ARL6IP5: variants seen among roughly 807,000 people sequenced by gnomAD.
ARL6IP5 encodes PRA1 family protein 3.
In ARL6IP5, 6 loss-of-function variants were observed where a neutral mutation model predicts 13.0. The observed-to-expected ratio is 0.46, with a 90% CI of 0.25 to 0.91. ARL6IP5 has a LOEUF of 0.91. Ranked by LOEUF, ARL6IP5 falls within the 40% of genes least tolerant of loss-of-function variation. The probability of loss-of-function intolerance (pLI) is 0.17; values close to 1 mark genes in which losing one functional copy is unlikely to be tolerated. For missense variants in ARL6IP5, 208 were observed against 248.8 expected (o/e 0.84, Z 1.10); for synonymous variants, 91 against 91.9 (o/e 0.99, Z 0.06).
intron 1 of ARL6IP5, among the ~76,000 whole-genome samples, chr3:69,095,695 A>C (rs900939067): frequency 6.6e-6 from 1 of 152,092 alleles, no homozygotes; most frequent in African/African-American, 2.4e-5. Flanking sequence ...GGGTTTCGCC[A>C]TGTTGGCCAG....
Position 69,085,052 on chromosome 3 carries a change from A to T in ARL6IP5, c.5A>T (p.Asp2Val), listed in dbSNP as rs2092243121. ...GAAGAACGCAAAGCTGAGAACATGG[A>T]CGTTAATATCGCCCCACTCCGCGCC... M[D>V]VNIAPLRAWD... Residue 2 changes from aspartate (D) to valine (V), a missense_variant, in exon 1 of 3, where the codon GAC (aspartate) becomes GTC (valine). Physicochemically the swap from Asp to Val is radical, Grantham distance 152. Coordinates refer to ENST00000273258, the MANE Select transcript of ARL6IP5 (RefSeq NM_006407.4). 6.8e-6 allele frequency: 11 copies of T among 1,613,304 alleles called. No homozygotes were observed. Among genetic ancestry groups the T allele is most frequent in the Non-Finnish European group, 9.3e-6 (11 of 1,179,744 alleles).
At chr3:69,088,056 C>T (rs772673364) in intron 1 of ARL6IP5, among the ~76,000 whole-genome samples, 1 of 151,308 alleles carries the variant, frequency 6.6e-6, no homozygotes, top group Non-Finnish European at 1.5e-5. Flanking sequence ...AAAACTGTTA[C>T]TTTTTTTTTA....
At chr3:69,092,186 T>C (rs903240284) in intron 1 of ARL6IP5, among the ~76,000 whole-genome samples, 1 of 152,222 alleles carries the variant, frequency 6.6e-6, no homozygotes, top group African/African-American at 2.4e-5. Context: ...ATCATTGATA[T>C]ATGATAGGAT....
intron 1 of ARL6IP5, among the ~76,000 whole-genome samples, chr3:69,092,394 T>A (rs2092270773): frequency 2.6e-5 from 4 of 152,182 alleles, no homozygotes. Context: ...GTTACCAAGC[T>A]CGTTAGCATT....
intron 1 of ARL6IP5, among the ~76,000 whole-genome samples, chr3:69,093,992 G>A (rs2092278713): frequency 1.3e-5 from 2 of 152,180 alleles, no homozygotes; most frequent in African/African-American, 4.8e-5. Context: ...CTGTGCTCTG[G>A]TCAGAGAGAC....
At chr3:69,092,681 G>T (rs960583447) in intron 1 of ARL6IP5, among the ~76,000 whole-genome samples, 9 of 152,042 alleles carry the variant, frequency 5.9e-5, no homozygotes, top group African/African-American at 1.4e-4. Flanking sequence ...ATTATGCCTG[G>T]CTAATTTTTG....
At chr3:69,090,780 C>T (rs1231927108) in intron 1 of ARL6IP5, among the ~76,000 whole-genome samples, 2 of 152,202 alleles carry the variant, frequency 1.3e-5, no homozygotes, top group Non-Finnish European at 2.9e-5. Context: ...AATTCTCCTG[C>T]CCTTCGATGC....
rs961899437 is a variant in ARL6IP5, at chr3:69,092,807, A to G, written c.176+7584A>G. On this transcript the variant is annotated intron_variant, in intron 1 of 2. Transcript: ENST00000273258. ...AGTGCTGGGATTACAGGTGTGAGCC[A>G]CTGTACCCAGCCTTTTTTTTTTTTT... is the stretch of plus-strand genomic sequence containing the variant. 2.0e-5 allele frequency among the ~76,000 whole-genome samples: 3 copies of G among 147,404 alleles called. No homozygotes were observed. The Admixed American group carries it at 2.0e-4, about 10-fold the overall frequency.
At chr3:69,095,695 A>G (rs900939067) in intron 1 of ARL6IP5, among the ~76,000 whole-genome samples, 9 of 152,210 alleles carry the variant, frequency 5.9e-5, no homozygotes, top group African/African-American at 1.9e-4. Context: ...GGGTTTCGCC[A>G]TGTTGGCCAG....
intron 1 of ARL6IP5, among the ~76,000 whole-genome samples, chr3:69,088,057 T>C (rs1280021120): frequency 6.6e-6 from 1 of 151,484 alleles, no homozygotes; most frequent in Non-Finnish European, 1.5e-5. Context: ...AAACTGTTAC[T>C]TTTTTTTTAT....
At chr3:69,086,914 G>C (rs948592880) in intron 1 of ARL6IP5, among the ~76,000 whole-genome samples, 2 of 152,002 alleles carry the variant, frequency 1.3e-5, no homozygotes, top group African/African-American at 4.8e-5. Flanking sequence ...GTAGAGACAA[G>C]GTTTCACCAT....
intron 1 of ARL6IP5, among the ~76,000 whole-genome samples, chr3:69,096,265 A>T (rs1243680544): frequency 6.6e-6 from 1 of 152,200 alleles, no homozygotes; most frequent in Non-Finnish European, 1.5e-5. Flanking sequence ...TCTCTTGGAC[A>T]TGAGCAACCA....
intron 2 of ARL6IP5, among the ~76,000 whole-genome samples, chr3:69,102,460 A>G (rs1158663095): frequency 6.6e-6 from 1 of 151,992 alleles, no homozygotes; most frequent in Non-Finnish European, 1.5e-5. Flanking sequence ...GGGTTTTACT[A>G]TGTTGCCCAG....
intron 1 of ARL6IP5, among the ~76,000 whole-genome samples, chr3:69,097,183 C>T (rs1575861845): frequency 6.6e-6 from 1 of 151,964 alleles, no homozygotes; most frequent in East Asian, 1.9e-4. Context: ...TTAATTGAGA[C>T]AGGATCTCAC....
At chr3:69,095,542 C>A (rs1352132983) in intron 1 of ARL6IP5, among the ~76,000 whole-genome samples, 3 of 151,368 alleles carry the variant, frequency 2.0e-5, no homozygotes, top group African/African-American at 2.4e-5. Context: ...CTCTGTCACC[C>A]ACGCTGGAGT....
intron 2 of ARL6IP5, among the ~76,000 whole-genome samples, chr3:69,104,139 T>C (rs2092314984): frequency 6.6e-6 from 1 of 152,190 alleles, no homozygotes; most frequent in Non-Finnish European, 1.5e-5. Flanking sequence ...ATCCCGTTGA[T>C]TCACTCTGAA....
In ARL6IP5 at chr3:69,106,020, A is replaced by G. The variant is rs1334192800; in HGVS notation, c.*1384A>G. 2 of 152,190 alleles carry G rather than the reference A, an allele frequency of 1.3e-5. No individual in the cohort carries two copies. Among genetic ancestry groups the G allele is most frequent in the Non-Finnish European group, 2.9e-5 (2 of 68,028 alleles). 9.4% of individuals were successfully genotyped at this position (152,190 alleles called of 1,614,324 possible). On this transcript the variant is annotated 3_prime_UTR_variant, in exon 3 of 3. Coordinates refer to ENST00000273258, the MANE Select transcript of ARL6IP5 (RefSeq NM_006407.4). ...CCATGACTTCACAGACATGGTCTAG[A>G]ATCTGTACCCTTACCCACATATGAA...
At chr3:69,099,200 G>A (rs574893185) in intron 1 of ARL6IP5, among the ~76,000 whole-genome samples, 12 of 149,748 alleles carry the variant, frequency 8.0e-5, no homozygotes, top group African/African-American at 2.5e-4. Context: ...GTGAAACCCC[G>A]TCTTTACTAA....
At chr3:69,087,620 G>A (rs1328728551) in intron 1 of ARL6IP5, among the ~76,000 whole-genome samples, 3 of 152,212 alleles carry the variant, frequency 2.0e-5, no homozygotes. Context: ...ATATAGCTCC[G>A]TCAGTATTGT....
Sources: allele counts gnomAD v4.1 joint callset (sites outside exome capture counted in the v4.1 genomes callset), GRCh38; gene constraint gnomAD v4.1.1; transcripts MANE v1.5; gene names NCBI Gene and HGNC (gene_info 2026-07-23, HGNC 2026-07-21).